The following MAP4K2 variants were observed in gnomAD, a reference collection of about 807,000 sequenced individuals.
MAP4K2 encodes the protein B lymphocyte serine/threonine protein kinase.
In MAP4K2, 85 loss-of-function variants were observed where a neutral mutation model predicts 125.3. The observed-to-expected ratio is 0.68, with a 90% CI of 0.57 to 0.81. MAP4K2 has a LOEUF of 0.81. Ranked by LOEUF, MAP4K2 falls within the 40% of genes least tolerant of loss-of-function variation. The pLI, the probability that MAP4K2 is intolerant of heterozygous loss-of-function variation, is 0.00. For synonymous variants in MAP4K2, 479 were observed against 445.1 expected (o/e 1.08, Z -0.96); for missense variants, 923 against 1,056.4 (o/e 0.87, Z 1.75).
In MAP4K2 at chr11:64,792,421, G is replaced by A. The variant is rs761043695; in HGVS notation, c.1753C>T (p.Arg585Cys). The change falls in exon 25 of 32, where the codon CGC becomes TGC. Residue 585 changes from arginine (R) to cysteine (C), a missense_variant and splice_region_variant. By Grantham distance (180) the Arg-to-Cys change is radical. Coordinates refer to ENST00000294066, the MANE Select transcript of MAP4K2 (RefSeq NM_004579.5). ...GGAATCTTGGTGGACAGAGCAAAGC[G>A]CCTGTAGGGGTGATAACCAGGGCCT... ...NRLTQRIIPR[R>C]FALSTKIPDT... The A allele has an allele frequency of 1.1e-5, 17 of 1,572,064 alleles. No individual in the cohort carries two copies. Among genetic ancestry groups the A allele is most frequent in the African/African-American group, 1.4e-5 (1 of 73,216 alleles).
chr11:64,790,320 C>T lies in MAP4K2; in HGVS notation c.2162-46G>A, dbSNP rs1177456948. On this transcript the variant is annotated intron_variant, in intron 28 of 31. Transcript: ENST00000294066. The stretch of plus-strand genomic sequence containing the variant: ...TGAGTGGGGACGGGGAGGCTCCCTT[C>T]TGGGAAGGCAGACCCACGTGGTCGC... 2.5e-6 allele frequency: 4 copies of T among 1,613,118 alleles called. No homozygotes were observed. In the African/African-American group the frequency reaches 5.3e-5, roughly 22 times the overall value.
chr11:64,798,906 G>A, intron 14 of MAP4K2, 69 bp from the exon 15 acceptor site: 1 of 1,342,276 alleles, frequency 7.5e-7, no homozygotes, highest in Non-Finnish European at 1.0e-6. Context: ...GCGCTCAAGA[G>A]ATTCAGGAAA....
rs1164131376 is a variant in MAP4K2, at chr11:64,789,271, C to T, written c.*266G>A. ...CAAAATGGAATGGATGGCCCAGGCC[C>T]AGGGTCCCTGCCTTGGGCACTAGGG... On this transcript the variant is annotated 3_prime_UTR_variant, in exon 32 of 32. Coordinates refer to ENST00000294066, the MANE Select transcript of MAP4K2 (RefSeq NM_004579.5). The T allele has an allele frequency of 7.5e-6, 4 of 534,320 alleles. No homozygotes were observed. Among genetic ancestry groups the T allele is most frequent in the Non-Finnish European group, 1.3e-5 (4 of 296,728 alleles). 33.1% of individuals were successfully genotyped at this position (534,320 alleles called of 1,614,324 possible).
Position 64,800,375 on chromosome 11 carries a change from TG to T in MAP4K2, c.742del (p.His248ThrfsTer7). The T allele has an allele frequency of 6.2e-7, 1 of 1,614,068 alleles. No individual in the cohort carries two copies. Among genetic ancestry groups the T allele is most frequent in the Non-Finnish European group, 8.5e-7 (1 of 1,180,014 alleles). On this transcript the variant is annotated frameshift_variant, in exon 11 of 32. Coordinates refer to ENST00000294066, the MANE Select transcript of MAP4K2 (RefSeq NM_004579.5). LOFTEE classifies it high-confidence loss of function. ...DKTRWTQNFH[H>X]FLKLALTKNP... ...CTTGGTCAGGGCCAGTTTGAGAAAG[TG>T]GTGGAAATTCTGGGTCCTAGAAGGC...
At position 64,802,096 on chromosome 11, in the gene MAP4K2, C is replaced by A; in HGVS notation, c.336G>T (p.Gln112His). Reference sequence around the variant, plus strand: ...GTGCCTCTCGGCAGACGTAGGCAATCTGCCGCTCCTCCAGGGGCCCAGTGG... The same window carrying A: ...GTGCCTCTCGGCAGACGTAGGCAATATGCCGCTCCTCCAGGGGCCCAGTGG... ...YHATGPLEER[Q>H]IAYVCREALK... The change falls in exon 5 of 32, where the codon CAG becomes CAT. Residue 112 changes from glutamine to histidine, a missense_variant. Transcript: ENST00000294066. 1 of 1,613,006 alleles carries A rather than the reference C, an allele frequency of 6.2e-7. No individual in the cohort carries two copies. The highest frequency in any genetic ancestry group is 8.5e-7 in the Non-Finnish European group (1 of 1,179,950).
chr11:64,802,809 C>T (rs1941303423), intron 2 of MAP4K2, 76 bp downstream of exon 2: 2 of 1,524,620 alleles, frequency 1.3e-6, no homozygotes, highest in South Asian at 2.4e-5. Context: ...TCGGAAACGT[C>T]AACCCTCCGC....
chr11:64,795,319 T>C (rs1487742684), intron 24 of MAP4K2, among the ~76,000 whole-genome samples: 3 of 152,000 alleles, frequency 2.0e-5, no homozygotes, highest in Admixed American at 6.6e-5. Context: ...CCTGACCTCA[T>C]GATCCGCCCA....
intron 19 of MAP4K2, 36 bp downstream of exon 19, chr11:64,797,068 C>A (rs779080414): frequency 1.2e-6 from 2 of 1,613,946 alleles, no homozygotes; most frequent in African/African-American, 2.7e-5. Context: ...CAGCTGTAGC[C>A]GCCCGTCTCC....
chr11:64,790,043 G>T, intron 29 of MAP4K2, 84 bp from the exon 30 acceptor site: 1 of 1,557,568 alleles, frequency 6.4e-7, no homozygotes, highest in South Asian at 1.1e-5. Flanking sequence ...GGCCACAGGG[G>T]TCCTCACTGA....
chr11:64,793,203 T>G (rs1940604199), intron 24 of MAP4K2, among the ~76,000 whole-genome samples: 1 of 138,768 alleles, frequency 7.2e-6, no homozygotes, highest in African/African-American at 2.6e-5. Flanking sequence ...GCAATGAGAG[T>G]GAAACTCGGT....
In MAP4K2 at chr11:64,786,952, A is replaced by G. The variant is rs1940215967; in HGVS notation, c.*2585T>C. On this transcript the variant is annotated 3_prime_UTR_variant, in exon 32 of 32. Coordinates refer to ENST00000294066, the MANE Select transcript of MAP4K2 (RefSeq NM_004579.5). ...GGAGATCTTTAACGCAAAACTCTCC[A>G]GGATATATACATATCTTTTCAGGGT... The G allele has an allele frequency of 6.6e-6, 1 of 151,926 alleles. No homozygotes were observed. Among genetic ancestry groups the G allele is most frequent in the Admixed American group, 6.6e-5 (1 of 15,230 alleles). The allele number at this position is 151,926 out of a possible 1,614,324, so 9.4% of individuals were successfully genotyped here.
Position 64,800,339 on chromosome 11 carries a change from T to G in MAP4K2, c.779A>C (p.Lys260Thr). ...CAGGAGCTTCTCTGCTGTCGGCCTC[T>G]TCTTAGGATTCTTGGTCAGGGCCAG... ...LKLALTKNPK[K>T]RPTAEKLLQH... The change falls in exon 11 of 32, where the codon AAG becomes ACG. Residue 260 changes from lysine (K) to threonine (T), a missense_variant. This residue lies in a region of MAP4K2 where 833 missense variants were observed against 911.4 expected (regional missense o/e 0.91). Coordinates refer to ENST00000294066, the MANE Select transcript of MAP4K2 (RefSeq NM_004579.5). 6.2e-7 allele frequency: 1 copy of G among 1,614,092 alleles called. No individual in the cohort carries two copies. The highest frequency in any genetic ancestry group is 8.5e-7 in the Non-Finnish European group (1 of 1,180,026).
At position 64,796,033 on chromosome 11, in the gene MAP4K2, C is replaced by T. The variant is rs556622004; in HGVS notation, c.1751+240G>A. Among the ~76,000 whole-genome samples, 4 of 152,334 alleles carry T rather than the reference C, an allele frequency of 2.6e-5. No individual in the cohort carries two copies. The East Asian group carries it at 7.7e-4, about 29-fold the overall frequency. ...TTGCTTAACTGTCAAGCCCCACATC[C>T]GAACAACCACAGCTCCTACAACTTG... On this transcript the variant is annotated intron_variant, in intron 24 of 31. Coordinates refer to ENST00000294066, the MANE Select transcript of MAP4K2 (RefSeq NM_004579.5).
In MAP4K2 at chr11:64,801,155, T is replaced by C; in HGVS notation, c.486A>G (p.Thr162=). 1 of 1,613,360 alleles carries C rather than the reference T, an allele frequency of 6.2e-7. No homozygotes were observed. The highest frequency in any genetic ancestry group is 8.5e-7 in the Non-Finnish European group (1 of 1,179,960). ...AAGACCTCCTCTTGGCCACAGACGC[T>C]GTCAGCTCGCCTGACACCCCAAAGT... ...LADFGVSGEL[T]ASVAKRRSFI... The change falls in exon 8 of 32, where the codon ACA becomes ACG. Residue 162 remains threonine (T), a synonymous_variant. Coordinates refer to ENST00000294066, the MANE Select transcript of MAP4K2 (RefSeq NM_004579.5).
chr11:64,787,955 T>C lies in MAP4K2; in HGVS notation c.*1582A>G, dbSNP rs1261833130. The C allele has an allele frequency of 1.3e-5, 2 of 152,100 alleles. No individual in the cohort carries two copies. The highest frequency in any genetic ancestry group is 4.8e-5 in the African/African-American group (2 of 41,402). The allele number at this position is 152,100 out of a possible 1,614,324, so 9.4% of individuals were successfully genotyped here. A position where few individuals can be genotyped will look rare whatever the true frequency, so the allele number is the denominator to read the frequency against. ...TATCCCTGTTACCACCGACCCCAAT[T>C]TGGAAGGTGCCCCTCACCCTCCTTG... On this transcript the variant is annotated 3_prime_UTR_variant, in exon 32 of 32. Coordinates refer to ENST00000294066, the MANE Select transcript of MAP4K2 (RefSeq NM_004579.5).
In MAP4K2 at chr11:64,797,038, A is replaced by C; in HGVS notation, c.1366-15T>G. The C allele has an allele frequency of 6.2e-7, 1 of 1,614,044 alleles. No homozygotes were observed. Among genetic ancestry groups the C allele is most frequent in the Non-Finnish European group, 8.5e-7 (1 of 1,179,986 alleles). On this transcript the variant is annotated splice_polypyrimidine_tract_variant and intron_variant, in intron 19 of 31. Transcript: ENST00000294066. ...CAGGATGACCTCTGGGAGGGAGGAAAGGAGTCAGGGCTGATATGACAGCTG... is the reference window on the plus strand; with the variant it reads ...CAGGATGACCTCTGGGAGGGAGGAACGGAGTCAGGGCTGATATGACAGCTG...
intron 5 of MAP4K2, 46 bp downstream of exon 5, chr11:64,802,020 C>T: frequency 3.2e-6 from 5 of 1,585,748 alleles, no homozygotes; most frequent in Middle Eastern, 2.2e-4. Context: ...TCCTGGCCCA[C>T]AGCTTCTGGA....
At chr11:64,802,538 G>A in intron 3 of MAP4K2, 25 bp downstream of exon 3, 1 of 1,588,426 alleles carries the variant, frequency 6.3e-7, no homozygotes, top group Non-Finnish European at 8.6e-7. Flanking sequence ...GGCTGCCTGG[G>A]GCCAGGAGGA....
intron 10 of MAP4K2, 57 bp from the exon 11 acceptor site, chr11:64,800,449 T>G (rs71581726): frequency 8.9e-6 from 14 of 1,570,028 alleles, no homozygotes; most frequent in South Asian, 2.2e-5. Context: ...GTGCAGGGTG[T>G]CCTGCCAGCT....
Sources: allele counts gnomAD v4.1 joint callset (sites outside exome capture counted in the v4.1 genomes callset), GRCh38; gene constraint gnomAD v4.1.1; regional missense constraint gnomAD v4.1.1; transcripts MANE v1.5; gene names NCBI Gene and HGNC (gene_info 2026-07-23, HGNC 2026-07-21).